The following CORO2B variants were observed in gnomAD, a reference collection of about 807,000 sequenced individuals.
The protein encoded by CORO2B is coronin 2B.
CORO2B carries 26 observed loss-of-function variants against 58.8 expected under a neutral mutation model. The observed-to-expected ratio is 0.44, with a 90% CI of 0.32 to 0.61. The LOEUF is 0.61. Among genes scored for constraint, CORO2B ranks in the 20% least tolerant of loss-of-function variants. CORO2B has a pLI of 0.04. For synonymous variants in CORO2B, 242 were observed against 253.8 expected, an observed-to-expected ratio of 0.95 and a Z score of 0.44; for missense variants, 460 against 645.1, an observed-to-expected ratio of 0.71 and a Z score of 3.11.
intron 1 of CORO2B, among the ~76,000 whole-genome samples, chr15:68,625,572 C>G (rs544003901): frequency 6.6e-6 from 1 of 152,068 alleles, no homozygotes; most frequent in South Asian, 2.1e-4. Flanking sequence ...TGCTTGTGCA[C>G]TCCGTTACAG....
chr15:68,584,752 AT>A (rs1899509846), intron 1 of CORO2B, among the ~76,000 whole-genome samples: 1 of 152,024 alleles, frequency 6.6e-6, no homozygotes, highest in South Asian at 2.1e-4. Context: ...TTGGGTTCCC[AT>A]TCCTTCCCCT....
chr15:68,702,929 C>T (rs1329031551), intron 3 of CORO2B, among the ~76,000 whole-genome samples: 11 of 143,236 alleles, frequency 7.7e-5, no homozygotes, highest in Non-Finnish European at 1.0e-4. Context: ...TGAGTTCAAG[C>T]GATTCTCATG....
chr15:68,638,674 A>G (rs1901112927), intron 1 of CORO2B, among the ~76,000 whole-genome samples: 1 of 152,226 alleles, frequency 6.6e-6, no homozygotes, highest in African/African-American at 2.4e-5. Context: ...ACTAAGAGTC[A>G]GAAGTTCTTG....
At chr15:68,722,014 A>C (rs942272674) in intron 11 of CORO2B, among the ~76,000 whole-genome samples, 3 of 152,128 alleles carry the variant, frequency 2.0e-5, no homozygotes, top group African/African-American at 7.2e-5. Context: ...TCGCCTCCCA[A>C]TGTGCTGGGA....
chr15:68,563,017 A>G, the CORO2B span, among the ~76,000 whole-genome samples: 7 of 151,712 alleles, frequency 4.6e-5, no homozygotes, highest in Non-Finnish European at 7.4e-5. Flanking sequence ...CAAAAACGTA[A>G]TATACTAAAA....
chr15:68,616,183 G>T (rs1309363340), intron 1 of CORO2B, among the ~76,000 whole-genome samples: 1 of 152,098 alleles, frequency 6.6e-6, no homozygotes, highest in Non-Finnish European at 1.5e-5. Context: ...GGCATAATTG[G>T]GTTGCTGTCG....
intron 1 of CORO2B, among the ~76,000 whole-genome samples, chr15:68,594,652 A>T (rs867745618): frequency 1.3e-5 from 2 of 152,226 alleles, no homozygotes; most frequent in Non-Finnish European, 2.9e-5. Context: ...CTCATCCTCC[A>T]GGGCAGAAGC....
chr15:68,695,117 C>T, intron 2 of CORO2B, 23 bp from the exon 3 acceptor site: 2 of 1,589,112 alleles, frequency 1.3e-6, no homozygotes, highest in Middle Eastern at 1.7e-4. Flanking sequence ...CTCCTTCTCT[C>T]TCTCTCTCTT....
the CORO2B span, among the ~76,000 whole-genome samples, chr15:68,568,163 G>A: frequency 6.6e-6 from 1 of 152,202 alleles, no homozygotes; most frequent in African/African-American, 2.4e-5. Flanking sequence ...GTTGGAGGTT[G>A]AGTACAGGCC....
chr15:68,526,929 A>C, the CORO2B span, among the ~76,000 whole-genome samples: 1 of 152,200 alleles, frequency 6.6e-6, no homozygotes, highest in African/African-American at 2.4e-5. Flanking sequence ...GTGATGATCA[A>C]GATTAAATGA....
chr15:68,719,906 C>T lies in CORO2B; in HGVS notation c.1311+354C>T, dbSNP rs867865629. Among the ~76,000 whole-genome samples, 3 of 152,312 alleles carry T rather than the reference C, an allele frequency of 2.0e-5. No individual in the cohort carries two copies. In the South Asian group the frequency reaches 6.2e-4, roughly 32 times the overall value. ...GGCCTCGTGTATCACAGCCCTGCCT[C>T]CCTCGCTGGCGTTGCAGCAGTGCTG... On this transcript the variant is annotated intron_variant, in intron 11 of 11. Coordinates refer to ENST00000261861, the MANE Select transcript of CORO2B (RefSeq NM_006091.5).
At chr15:68,540,781 A>G in the CORO2B span, among the ~76,000 whole-genome samples, 1 of 152,216 alleles carries the variant, frequency 6.6e-6, no homozygotes, top group Non-Finnish European at 1.5e-5. Context: ...AAACACACAC[A>G]CAAACACACA....
intron 1 of CORO2B, among the ~76,000 whole-genome samples, chr15:68,602,543 C>G (rs548570874): frequency 6.6e-6 from 1 of 152,082 alleles, no homozygotes; most frequent in Admixed American, 6.5e-5. Context: ...TGTCTTTAAC[C>G]GCCTCTCCCT....
At chr15:68,663,375 G>A (rs953008831) in intron 2 of CORO2B, among the ~76,000 whole-genome samples, 9 of 152,094 alleles carry the variant, frequency 5.9e-5, no homozygotes, top group South Asian at 2.1e-4. Flanking sequence ...CTGTGGACAC[G>A]CTTTATTTCA....
At chr15:68,630,882 G>A (rs969986043) in intron 1 of CORO2B, among the ~76,000 whole-genome samples, 3 of 152,158 alleles carry the variant, frequency 2.0e-5, no homozygotes, top group Non-Finnish European at 2.9e-5. Flanking sequence ...AAGCAAAGGC[G>A]GGAAGCCGTG....
Position 68,682,335 on chromosome 15 carries a change from T to C in CORO2B, c.217-12805T>C, listed in dbSNP as rs546387962. ...AGACCAATTAGAAGACTGGAGTGCC[T>C]CAGGAAGGCTATGGGCAGGGTGCAC... is the stretch of plus-strand genomic sequence containing the variant. On this transcript the variant is annotated intron_variant, in intron 2 of 11. Transcript: ENST00000261861. Among the ~76,000 whole-genome samples the C allele has an allele frequency of 1.3e-3, 203 of 152,236 alleles. 2 individuals are homozygous for C. The highest frequency in any genetic ancestry group is 4.4e-3 in the African/African-American group (184 of 41,550).
At chr15:68,600,767 T>C (rs971276396) in intron 1 of CORO2B, among the ~76,000 whole-genome samples, 2 of 152,148 alleles carry the variant, frequency 1.3e-5, no homozygotes, top group Non-Finnish European at 2.9e-5. Flanking sequence ...AAACAGTAAA[T>C]GGGACAGCCC....
chr15:68,561,384 C>A, the CORO2B span, among the ~76,000 whole-genome samples: 1 of 152,116 alleles, frequency 6.6e-6, no homozygotes, highest in Non-Finnish European at 1.5e-5. Flanking sequence ...CCTCCCTCCC[C>A]GACTCTCCCC....
intron 3 of CORO2B, among the ~76,000 whole-genome samples, chr15:68,698,162 G>A (rs1450431374): frequency 6.6e-6 from 1 of 152,218 alleles, no homozygotes; most frequent in East Asian, 1.9e-4. Context: ...AGGAAGTAGA[G>A]GAGCAGGGAT....
Sources: allele counts gnomAD v4.1 joint callset (sites outside exome capture counted in the v4.1 genomes callset), GRCh38; gene constraint gnomAD v4.1.1; transcripts MANE v1.5; gene names NCBI Gene and HGNC (gene_info 2026-07-23, HGNC 2026-07-21).